The following SH3BP5 variants were observed in gnomAD, a reference collection of about 807,000 sequenced individuals.
The protein encoded by SH3BP5 is SH3 domain binding protein 5.
In SH3BP5, 22 loss-of-function variants were observed where a neutral mutation model predicts 43.3. The ratio of observed to expected loss-of-function variants is 0.51; its 90% CI spans 0.36 to 0.73. The LOEUF (loss-of-function observed/expected upper bound fraction) is 0.73. Ranked by LOEUF, SH3BP5 falls within the 30% of genes least tolerant of loss-of-function variation. The pLI is 0.00. For synonymous variants in SH3BP5, 255 were observed against 225.8 expected (o/e 1.13, Z -1.16); for missense variants, 529 against 586.9 (o/e 0.90, Z 1.02).
intron 2 of SH3BP5, among the ~76,000 whole-genome samples, chr3:15,307,162 C>T (rs1424792910): frequency 6.6e-6 from 1 of 152,150 alleles, no homozygotes; most frequent in Non-Finnish European, 1.5e-5. Flanking sequence ...GAGCCTGGAT[C>T]CCATGTCCAA....
intron 4 of SH3BP5, among the ~76,000 whole-genome samples, chr3:15,269,437 C>T (rs113258397): frequency 5.3e-4 from 80 of 152,264 alleles, no homozygotes; most frequent in African/African-American, 1.8e-3. Context: ...AGCCTGAGTC[C>T]AGTCAAGACC....
chr3:15,258,576 A>ACTT, intron 7 of SH3BP5: 1 of 524,612 alleles, frequency 1.9e-6, no homozygotes, highest in Admixed American at 3.5e-5. Flanking sequence ...TCAAATGTAT[A>ACTT]CTTTGACTCT....
At chr3:15,273,107 C>G in intron 3 of SH3BP5, 4 of 983,160 alleles carry the variant, frequency 4.1e-6, no homozygotes, top group Non-Finnish European at 4.8e-6. Flanking sequence ...CATAGGTGGC[C>G]TCTCCTACCT....
intron 2 of SH3BP5, among the ~76,000 whole-genome samples, chr3:15,326,436 T>C (rs573171842): frequency 1.3e-5 from 2 of 152,114 alleles, no homozygotes; most frequent in African/African-American, 4.8e-5. Flanking sequence ...TTCAGGTTCA[T>C]CAGACAAAAA....
At chr3:15,319,267 T>C (rs930956385) in intron 2 of SH3BP5, among the ~76,000 whole-genome samples, 1 of 152,256 alleles carries the variant, frequency 6.6e-6, no homozygotes, top group African/African-American at 2.4e-5. Flanking sequence ...CTTGCCTTTA[T>C]CGTTGCTGGT....
At chr3:15,332,629 C>T, upstream of SH3BP5, 1 of 1,175,690 alleles carries the variant, frequency 8.5e-7, no homozygotes, top group Non-Finnish European at 1.0e-6. Flanking sequence ...GCAGTCAGCG[C>T]AGCGCCCGCT....
At chr3:15,304,978 C>T (rs1315824490) in intron 2 of SH3BP5, among the ~76,000 whole-genome samples, 1 of 151,416 alleles carries the variant, frequency 6.6e-6, no homozygotes, top group African/African-American at 2.4e-5. Flanking sequence ...ATTAGCCGGG[C>T]ATAGTGGGGG....
chr3:15,341,048 G>A (rs28658389), intron 1 of SH3BP5, among the ~76,000 whole-genome samples: 3,127 of 152,000 alleles, frequency 0.021, 112 homozygotes, highest in African/African-American at 0.07. Context: ...GTGAAAGTCC[G>A]CCTCAAAAAA....
chr3:15,289,297 G>T (rs1697346048), intron 3 of SH3BP5, among the ~76,000 whole-genome samples: 1 of 152,202 alleles, frequency 6.6e-6, no homozygotes, highest in South Asian at 2.1e-4. Flanking sequence ...TTCTAGCAAT[G>T]AATGGAAAAT....
At position 15,332,453 on chromosome 3, in the gene SH3BP5, C is replaced by T; in HGVS notation, c.-45G>A. 6.8e-7 allele frequency: 1 copy of T among 1,471,112 alleles called. No homozygotes were observed. The highest frequency in any genetic ancestry group is 8.9e-7 in the Non-Finnish European group (1 of 1,117,556). The allele number at this position is 1,471,112 out of a possible 1,614,324, so 91.1% of individuals were successfully genotyped here. A position where few individuals can be genotyped will look rare whatever the true frequency, so the allele number is the denominator to read the frequency against. Reference sequence around the variant, plus strand: ...GCCGCGCAGTGGGCTCCGGAGCGCCCCGGGGGTCGCGGCTGCCACAGGCTG... The same window carrying T: ...GCCGCGCAGTGGGCTCCGGAGCGCCTCGGGGGTCGCGGCTGCCACAGGCTG... On this transcript the variant is annotated 5_prime_UTR_variant, in exon 1 of 9. Transcript: ENST00000383791.
In SH3BP5 at chr3:15,256,152, G is replaced by T; in HGVS notation, c.1302C>A (p.Leu434=). The T allele has an allele frequency of 1.9e-6, 3 of 1,614,216 alleles. No homozygotes were observed. The highest frequency in any genetic ancestry group is 2.5e-6 in the Non-Finnish European group (3 of 1,180,028). ...CTCTTCCCTTTGAGCACTGTAGGGA[G>T]AGCTGCTTCATCCGGTTCTCCAAGG... The part of the protein sequence containing the change: ...GQALENRMKQ[L]SLQCSKGRDG... The change falls in exon 9 of 9, where the codon CTC becomes CTA. Residue 434 remains leucine, a synonymous_variant. Coordinates refer to ENST00000383791, the MANE Select transcript of SH3BP5 (RefSeq NM_004844.5).
chr3:15,265,154 C>G (rs1453582988), intron 4 of SH3BP5, among the ~76,000 whole-genome samples: 1 of 152,090 alleles, frequency 6.6e-6, no homozygotes, highest in Non-Finnish European at 1.5e-5. Flanking sequence ...CTGTCCCCTG[C>G]TTCGCCCCAC....
intron 2 of SH3BP5, among the ~76,000 whole-genome samples, chr3:15,310,006 C>T (rs907672905): frequency 6.8e-6 from 1 of 147,994 alleles, no homozygotes; most frequent in South Asian, 2.1e-4. Context: ...GTATGAGAGG[C>T]CACAAACCAA....
At chr3:15,260,167 T>G (rs1181496188) in intron 5 of SH3BP5, 3 of 263,042 alleles carry the variant, frequency 1.1e-5, no homozygotes, top group African/African-American at 6.9e-5. Flanking sequence ...TCTGCTCTCC[T>G]AATGAAGTTG....
At chr3:15,266,472 A>G (rs1413469961) in intron 4 of SH3BP5, among the ~76,000 whole-genome samples, 1 of 152,224 alleles carries the variant, frequency 6.6e-6, no homozygotes, top group African/African-American at 2.4e-5. Context: ...TTCAGCAGAC[A>G]TCAGAAAAGC....
chr3:15,257,148 T>C, intron 7 of SH3BP5, 35 bp from the exon 8 acceptor site: 2 of 1,599,442 alleles, frequency 1.3e-6, no homozygotes, highest in Non-Finnish European at 1.7e-6. Flanking sequence ...ACATGGGTTC[T>C]GTCACCTCCT....
At chr3:15,288,414 G>A (rs1405515636) in intron 3 of SH3BP5, among the ~76,000 whole-genome samples, 1 of 152,208 alleles carries the variant, frequency 6.6e-6, no homozygotes, top group African/African-American at 2.4e-5. Flanking sequence ...AATTCAGCCG[G>A]GAGGCAGTAG....
chr3:15,255,805 A>G lies in SH3BP5; in HGVS notation c.*281T>C. The stretch of plus-strand genomic sequence containing the variant: ...ATCTTCCCAGCTCTGGTTCTTTCAT[A>G]GGAACTAGTTATTGCTTCCACAATG... On this transcript the variant is annotated 3_prime_UTR_variant, in exon 9 of 9. Transcript: ENST00000383791. The G allele has an allele frequency of 3.2e-6, 1 of 308,616 alleles. No individual in the cohort carries two copies. The highest frequency in any genetic ancestry group is 6.2e-5 in the East Asian group (1 of 16,144). 19.1% of individuals were successfully genotyped at this position (308,616 alleles called of 1,614,324 possible). A position where few individuals can be genotyped will look rare whatever the true frequency, so the allele number is the denominator to read the frequency against.
intron 1 of SH3BP5, among the ~76,000 whole-genome samples, chr3:15,340,255 A>C (rs1049521715): frequency 1.3e-5 from 2 of 152,204 alleles, no homozygotes; most frequent in African/African-American, 4.8e-5. Context: ...ATTTATTAGG[A>C]CTTTACTCTG....
Sources: allele counts gnomAD v4.1 joint callset (sites outside exome capture counted in the v4.1 genomes callset), GRCh38; gene constraint gnomAD v4.1.1; transcripts MANE v1.5; gene names NCBI Gene and HGNC (gene_info 2026-07-23, HGNC 2026-07-21).